Variants in CATSPERD observed in about 807,000 individuals in gnomAD.
The protein encoded by CATSPERD is catsper channel auxiliary subunit delta.
A neutral mutation model predicts 98.1 loss-of-function variants in CATSPERD; 86 were observed. That is an observed-to-expected ratio of 0.88 (90% CI 0.74 to 1.05). The LOEUF (loss-of-function observed/expected upper bound fraction) is 1.05, where lower values mean the gene tolerates loss of function less well. CATSPERD is among the 50% of genes least tolerant of loss of function. CATSPERD has a pLI of 0.00. For missense variants in CATSPERD, 995 were observed against 1,005.7 expected, an observed-to-expected ratio of 0.99 and a Z score of 0.14; for synonymous variants, 394 against 390.2, an observed-to-expected ratio of 1.01 and a Z score of -0.12.
intron 20 of CATSPERD, 72 bp from the exon 21 acceptor site, chr19:5,776,089 G>A (rs529167961): frequency 2.4e-5 from 37 of 1,528,212 alleles, no homozygotes; most frequent in Non-Finnish European, 3.1e-5. Context: ...CAGGGCCTCC[G>A]CAGGGAGGAG....
chr19:5,770,060 G>A (rs779736312), intron 18 of CATSPERD, among the ~76,000 whole-genome samples: 18 of 149,042 alleles, frequency 1.2e-4, no homozygotes, highest in Non-Finnish European at 2.4e-4. Context: ...CTGCACTCCA[G>A]CCTGGGCAAC....
At chr19:5,744,657 G>A (rs1599543023) in intron 8 of CATSPERD, 147 bp downstream of exon 8, 1 of 457,586 alleles carries the variant, frequency 2.2e-6, no homozygotes. Flanking sequence ...CCGGAGTGCA[G>A]TGGCGCAATC....
At chr19:5,765,480 C>T (rs1314517082) in intron 16 of CATSPERD, among the ~76,000 whole-genome samples, 2 of 151,634 alleles carry the variant, frequency 1.3e-5, no homozygotes, top group African/African-American at 4.8e-5. Flanking sequence ...ATTTTTTTCC[C>T]CATGCTCTCT....
At chr19:5,757,993 T>C (rs2056359740) in intron 14 of CATSPERD, 61 bp downstream of exon 14, 1 of 1,393,788 alleles carries the variant, frequency 7.2e-7, no homozygotes, top group Admixed American at 2.0e-5. Flanking sequence ...TCTTCCTCCT[T>C]CCCTTATCAG....
intron 1 of CATSPERD, 108 bp from the exon 2 acceptor site, chr19:5,724,700 C>G (rs545959560): frequency 1.1e-4 from 129 of 1,144,562 alleles, no homozygotes; most frequent in East Asian, 8.4e-4. Context: ...CTCCGTCCCC[C>G]CCAAAAAAGA....
chr19:5,749,252 G>A (rs2056158011), intron 11 of CATSPERD, 69 bp downstream of exon 11: 1 of 1,151,642 alleles, frequency 8.7e-7, no homozygotes, highest in Non-Finnish European at 1.3e-6. Context: ...AGCACTTTGG[G>A]AGGCTGAGGT....
chr19:5,740,588 AAAAT>A (rs751586467), intron 7 of CATSPERD, among the ~76,000 whole-genome samples: 3 of 151,800 alleles, frequency 2.0e-5, no homozygotes, highest in Non-Finnish European at 2.9e-5. Flanking sequence ...ACTCCATCTC[AAAAT>A]AAATAAATAA....
Position 5,770,956 on chromosome 19 carries a change from C to T in CATSPERD, c.1647C>T (p.Asp549=). 6.2e-7 allele frequency: 1 copy of T among 1,609,400 alleles called. No individual in the cohort carries two copies. Among genetic ancestry groups the T allele is most frequent in the Middle Eastern group, 1.7e-4 (1 of 6,020 alleles). ...YSFIIEKEFY[D]PGFQGQQSSE... ...TGGTGTCTTGAAGGGAATTCTACGA[C>T]CCCGGCTTCCAGGGGCAGCAGTCCT... is the stretch of plus-strand genomic sequence containing the variant. Residue 549 remains aspartate (D), a synonymous_variant, in exon 19 of 22, where the codon GAC becomes GAT. Coordinates refer to ENST00000381624, the MANE Select transcript of CATSPERD (RefSeq NM_152784.4).
chr19:5,741,898 G>C (rs1256339121), intron 7 of CATSPERD, among the ~76,000 whole-genome samples: 1 of 150,812 alleles, frequency 6.6e-6, no homozygotes. Context: ...GGGTGTGGCG[G>C]CTGGCGTGCC....
intron 12 of CATSPERD, among the ~76,000 whole-genome samples, chr19:5,753,905 T>A (rs1461645632): frequency 6.6e-6 from 1 of 151,648 alleles, no homozygotes. Context: ...AAGAAGCAAT[T>A]ACTGCGCATG....
intron 19 of CATSPERD, among the ~76,000 whole-genome samples, chr19:5,771,895 G>T (rs1192371455): frequency 6.6e-6 from 1 of 152,000 alleles, no homozygotes; most frequent in Non-Finnish European, 1.5e-5. Flanking sequence ...AAGGACACCA[G>T]TCTTATCAGA....
chr19:5,751,406 C>T (rs570273986), intron 11 of CATSPERD, among the ~76,000 whole-genome samples: 3 of 145,652 alleles, frequency 2.1e-5, no homozygotes, highest in South Asian at 2.2e-4. Flanking sequence ...GGTGGCTGCG[C>T]GTCTGTAGTC....
chr19:5,775,127 G>A, intron 20 of CATSPERD: 5 of 376,846 alleles, frequency 1.3e-5, no homozygotes, highest in South Asian at 1.0e-4. Context: ...AGACTGCCAC[G>A]GTTACTACTT....
Position 5,772,840 on chromosome 19 carries a change from G to C in CATSPERD, c.1816G>C (p.Glu606Gln), listed in dbSNP as rs745529098. 6.2e-7 allele frequency: 1 copy of C among 1,614,044 alleles called. No homozygotes were observed. The highest frequency in any genetic ancestry group is 1.7e-5 in the Admixed American group (1 of 59,992). Residue 606 changes from glutamate to glutamine, a missense_variant, in exon 20 of 22, where the codon GAG becomes CAG. Glu to Gln is a conservative substitution (Grantham distance 29). Transcript: ENST00000381624. ...CATCGACGCCGAGTATGTGTTACTG[G>C]AGGTGAACGGGCAGTTCTCATACTC... The part of the protein sequence containing the change: ...EVIDAEYVLL[E>Q]VNGQFSYSYS...
At chr19:5,746,161 G>C (rs1462408814) in intron 9 of CATSPERD, 98 bp downstream of exon 9, 3 of 1,274,784 alleles carry the variant, frequency 2.4e-6, no homozygotes, top group Admixed American at 2.0e-5. Flanking sequence ...GCAACCCCTC[G>C]ACCACTCGGT....
At position 5,739,379 on chromosome 19, in the gene CATSPERD, TTATA is replaced by T; in HGVS notation, c.519_522del (p.Tyr174IlefsTer24). 2.5e-6 allele frequency: 4 copies of T among 1,587,594 alleles called. No individual in the cohort carries two copies. Among genetic ancestry groups the T allele is most frequent in the Non-Finnish European group, 3.4e-6 (4 of 1,170,344 alleles). On this transcript the variant is annotated frameshift_variant, in exon 7 of 22. Transcript: ENST00000381624. LOFTEE classifies it high-confidence loss of function. The stretch of plus-strand genomic sequence containing the variant: ...TCCGTGGAGATCAGATATCCCAGAC[TTATA>T]TATATTATTCAAATACTGGGGGATT...
In CATSPERD at chr19:5,730,007, G is replaced by A. The variant is rs1272408474; in HGVS notation, c.276+63G>A. On this transcript the variant is annotated intron_variant, in intron 4 of 21. Coordinates refer to ENST00000381624, the MANE Select transcript of CATSPERD (RefSeq NM_152784.4). ...TAAGTAATATTTGGGGGAAAATACAGTTCAGAAATATCAGACTGGTCTGTT... is the reference window on the plus strand; with the variant it reads ...TAAGTAATATTTGGGGGAAAATACAATTCAGAAATATCAGACTGGTCTGTT... 9 of 972,892 alleles carry A rather than the reference G, an allele frequency of 9.3e-6. No individual in the cohort carries two copies. The Admixed American group carries it at 1.1e-4, about 12-fold the overall frequency. 60.3% of individuals were successfully genotyped at this position (972,892 alleles called of 1,614,324 possible).
intron 7 of CATSPERD, among the ~76,000 whole-genome samples, chr19:5,743,654 C>G (rs140690042): frequency 6.9e-6 from 1 of 145,226 alleles, no homozygotes; most frequent in African/African-American, 2.5e-5. Context: ...CTCTGTCTCT[C>G]TCTCTCTCTC....
chr19:5,768,669 T>C (rs888400799), intron 18 of CATSPERD, among the ~76,000 whole-genome samples: 1 of 152,070 alleles, frequency 6.6e-6, no homozygotes, highest in African/African-American at 2.4e-5. Context: ...GGTCTGGCCC[T>C]GTGGCCCAGG....
Sources: allele counts gnomAD v4.1 joint callset (sites outside exome capture counted in the v4.1 genomes callset), GRCh38; gene constraint gnomAD v4.1.1; transcripts MANE v1.5; gene names NCBI Gene and HGNC (gene_info 2026-07-23, HGNC 2026-07-21).